The following CATSPERE variants were observed in gnomAD, a reference collection of about 807,000 sequenced individuals.
The protein encoded by CATSPERE is cation channel sperm-associated auxiliary subunit epsilon.
A neutral mutation model predicts 114.1 loss-of-function variants in CATSPERE; 93 were observed. That is an observed-to-expected ratio of 0.81 (90% confidence interval 0.69 to 0.97). The LOEUF (loss-of-function observed/expected upper bound fraction) is 0.97. Ranked by LOEUF, CATSPERE falls within the 50% of genes least tolerant of loss-of-function variation. The pLI is 0.00. For missense variants in CATSPERE, 1,058 were observed against 1,131.6 expected (o/e 0.93, Z 0.93); for synonymous variants, 341 against 384.1 (o/e 0.89, Z 1.31).
intron 6 of CATSPERE, 138 bp downstream of exon 6, chr1:244,490,609 A>G (rs1017984855): frequency 9.0e-6 from 5 of 554,040 alleles, no homozygotes; most frequent in African/African-American, 3.9e-5. Flanking sequence ...ACCTTTCTAT[A>G]AGACCCATTC....
intron 13 of CATSPERE, among the ~76,000 whole-genome samples, chr1:244,586,032 C>T (rs532000182): frequency 2.6e-5 from 4 of 152,278 alleles, no homozygotes; most frequent in South Asian, 2.1e-4. Flanking sequence ...AGAAGAAATA[C>T]GCTGTGTCCA....
chr1:244,562,879 C>A (rs1011932174), intron 10 of CATSPERE, among the ~76,000 whole-genome samples: 1 of 152,148 alleles, frequency 6.6e-6, no homozygotes, highest in African/African-American at 2.4e-5. Context: ...TGTTATCCCT[C>A]CCCTACCCTC....
At chr1:244,474,117 C>T (rs760002543) in intron 2 of CATSPERE, among the ~76,000 whole-genome samples, 13 of 151,916 alleles carry the variant, frequency 8.6e-5, no homozygotes, top group East Asian at 1.9e-4. Context: ...CTGCAACCTC[C>T]GACTCCCAGG....
At chr1:244,563,217 A>G (rs1015750147) in intron 10 of CATSPERE, among the ~76,000 whole-genome samples, 45 of 152,358 alleles carry the variant, frequency 3.0e-4, no homozygotes, top group African/African-American at 1.0e-3. Flanking sequence ...CTGTGCTGCA[A>G]TAAACATAGG....
intron 17 of CATSPERE, among the ~76,000 whole-genome samples, chr1:244,601,260 G>T (rs1669178306): frequency 6.6e-6 from 1 of 152,088 alleles, no homozygotes; most frequent in African/African-American, 2.4e-5. Context: ...ATAAGAAAGA[G>T]GGTAAGAAAC....
rs1377423500 is a variant in CATSPERE at position 244,595,659 on chromosome 1, C to T, written c.2303+2081C>T. Among the ~76,000 whole-genome samples the T allele has an allele frequency of 3.3e-5, 5 of 152,294 alleles. No individual in the cohort carries two copies. In the East Asian group the frequency reaches 7.7e-4, roughly 24 times the overall value. On this transcript the variant is annotated intron_variant, in intron 17 of 21. Transcript: ENST00000366534. ...TCAAATATTTGCTTTAGGCTGGGCA[C>T]AGTGGCTCACGCCTGTAATCCCAGC...
chr1:244,615,350 A>C (rs1671245015), intron 19 of CATSPERE, among the ~76,000 whole-genome samples: 1 of 152,092 alleles, frequency 6.6e-6, no homozygotes, highest in Non-Finnish European at 1.5e-5. Flanking sequence ...GACCTTGATG[A>C]CTATTTCATC....
At chr1:244,623,764 T>TA (rs1672707384) in intron 20 of CATSPERE, among the ~76,000 whole-genome samples, 1 of 152,234 alleles carries the variant, frequency 6.6e-6, no homozygotes, top group Non-Finnish European at 1.5e-5. Context: ...TGTAGTCTAT[T>TA]AAGTGTGCAA....
chr1:244,533,547 T>G (rs1037093428), intron 8 of CATSPERE, among the ~76,000 whole-genome samples: 1 of 152,084 alleles, frequency 6.6e-6, no homozygotes, highest in African/African-American at 2.4e-5. Context: ...TATTTAAGAC[T>G]ACCATGAAGC....
chr1:244,588,872 CACTT>C (rs779231470), intron 14 of CATSPERE, among the ~76,000 whole-genome samples: 1 of 152,146 alleles, frequency 6.6e-6, no homozygotes, highest in Non-Finnish European at 1.5e-5. Flanking sequence ...GAGGGAGAAA[CACTT>C]ACCAGTTTTC....
At chr1:244,525,078 T>G (rs1572560260) in intron 8 of CATSPERE, among the ~76,000 whole-genome samples, 1 of 146,924 alleles carries the variant, frequency 6.8e-6, no homozygotes, top group South Asian at 2.1e-4. Flanking sequence ...AGCAAAGACT[T>G]GGAACCAACC....
intron 8 of CATSPERE, among the ~76,000 whole-genome samples, chr1:244,525,288 A>G (rs951187435): frequency 1.6e-4 from 23 of 142,440 alleles, no homozygotes; most frequent in African/African-American, 6.1e-4. Context: ...GAATTGAACA[A>G]TGAGAACACA....
At chr1:244,489,450 A>ATTTTTTTTTTTTTTTTTTT (rs10524749) in intron 5 of CATSPERE, among the ~76,000 whole-genome samples, 3 of 85,568 alleles carry the variant, frequency 3.5e-5, no homozygotes, top group African/African-American at 1.4e-4. Flanking sequence ...AAGCATGCAG[A>ATTTTTTTTTTTTTTTTTTT]TTTTTTTTTT....
chr1:244,558,224 C>T (rs1394482500), intron 9 of CATSPERE, among the ~76,000 whole-genome samples: 2 of 150,472 alleles, frequency 1.3e-5, no homozygotes, highest in Non-Finnish European at 3.0e-5. Context: ...TCACTGCAAC[C>T]TCCGCCTCCC....
chr1:244,610,775 C>G (rs1670615092), intron 19 of CATSPERE, among the ~76,000 whole-genome samples: 1 of 139,870 alleles, frequency 7.1e-6, no homozygotes, highest in East Asian at 2.0e-4. Flanking sequence ...TTTTTTGAGA[C>G]AGAGTCTCTC....
At chr1:244,627,062 C>T (rs1673289373) in intron 20 of CATSPERE, among the ~76,000 whole-genome samples, 1 of 152,170 alleles carries the variant, frequency 6.6e-6, no homozygotes. Flanking sequence ...TGTGCCTCTT[C>T]CATTTACTTG....
intron 7 of CATSPERE, among the ~76,000 whole-genome samples, chr1:244,507,320 A>G (rs1264935362): frequency 6.6e-6 from 1 of 152,098 alleles, no homozygotes; most frequent in Admixed American, 6.6e-5. Flanking sequence ...TAGTTTTTTG[A>G]AAAATTTCCA....
At chr1:244,480,779 G>A (rs970702149) in intron 5 of CATSPERE, among the ~76,000 whole-genome samples, 1 of 152,162 alleles carries the variant, frequency 6.6e-6, no homozygotes, top group Non-Finnish European at 1.5e-5. Flanking sequence ...CCCACCAGGA[G>A]TACACATTAA....
intron 1 of CATSPERE, among the ~76,000 whole-genome samples, chr1:244,463,259 A>G (rs982621703): frequency 6.6e-6 from 1 of 152,160 alleles, no homozygotes; most frequent in Non-Finnish European, 1.5e-5. Context: ...CTACTTGAAC[A>G]TTTTTAATTA....
Sources: gnomAD v4.1 joint callset for allele counts (sites outside exome capture counted in the v4.1 genomes callset) on GRCh38, gnomAD v4.1.1 for gene constraint, MANE v1.5 for transcripts, NCBI Gene and HGNC (gene_info 2026-07-23, HGNC 2026-07-21) for gene names.